The following GPC5 variants were observed in gnomAD, a reference collection of about 807,000 sequenced individuals.
GPC5 encodes the protein glypican-5.
A neutral mutation model predicts 53.9 loss-of-function variants in GPC5; 47 were observed. The observed-to-expected ratio is 0.87, with a 90% confidence interval of 0.69 to 1.11. GPC5 has a LOEUF of 1.11. Among genes scored for constraint, GPC5 ranks in the 50% most tolerant of loss-of-function variants. GPC5 has a pLI of 0.00. For missense variants in GPC5, 748 were observed against 713.1 expected, an observed-to-expected ratio of 1.05 and a Z score of -0.56; for synonymous variants, 286 against 263.3, an observed-to-expected ratio of 1.09 and a Z score of -0.84.
intron 6 of GPC5, among the ~76,000 whole-genome samples, chr13:92,100,439 T>C (rs1019708765): frequency 1.3e-5 from 2 of 152,062 alleles, no homozygotes; most frequent in African/African-American, 4.8e-5. Context: ...TGAAATAAGG[T>C]CAAAAGAATA....
intron 7 of GPC5, among the ~76,000 whole-genome samples, chr13:92,560,528 A>G (rs958153616): frequency 1.3e-5 from 2 of 152,048 alleles, no homozygotes; most frequent in Admixed American, 1.3e-4. Flanking sequence ...CAGTGGAAGT[A>G]GTGAGAGAAG....
At chr13:92,612,322 T>A (rs190080260) in intron 7 of GPC5, among the ~76,000 whole-genome samples, 5 of 152,104 alleles carry the variant, frequency 3.3e-5, no homozygotes, top group African/African-American at 1.2e-4. Flanking sequence ...AAATATTGAG[T>A]TTCAGTCATT....
At chr13:92,142,192 A>G (rs2041836933) in intron 6 of GPC5, among the ~76,000 whole-genome samples, 1 of 152,346 alleles carries the variant, frequency 6.6e-6, no homozygotes, top group South Asian at 2.1e-4. Context: ...AACTTAAAGT[A>G]TAATTTTTAA....
chr13:91,463,350 G>T (rs1231659191), intron 2 of GPC5, among the ~76,000 whole-genome samples: 1 of 152,006 alleles, frequency 6.6e-6, no homozygotes, highest in Non-Finnish European at 1.5e-5. Context: ...GAATCCATGG[G>T]TGCACAACCC....
chr13:91,409,312 A>C (rs1033100466), intron 1 of GPC5, among the ~76,000 whole-genome samples: 2 of 152,176 alleles, frequency 1.3e-5, no homozygotes, highest in African/African-American at 2.4e-5. Flanking sequence ...TAAAAGGTAA[A>C]GGGAATAAGA....
intron 2 of GPC5, among the ~76,000 whole-genome samples, chr13:91,692,424 T>C (rs1425829286): frequency 6.6e-6 from 1 of 152,192 alleles, no homozygotes; most frequent in Non-Finnish European, 1.5e-5. Flanking sequence ...GCAACCAGTG[T>C]GTAATCTACT....
intron 7 of GPC5, among the ~76,000 whole-genome samples, chr13:92,381,890 TATATATAATCATATATATG>T (rs1470538653): frequency 4.6e-5 from 2 of 43,730 alleles, no homozygotes; most frequent in Middle Eastern, 8.5e-3. Flanking sequence ...TTATATATAT[TATATATAATCATATATATG>T]ATATATATAA....
intron 7 of GPC5, among the ~76,000 whole-genome samples, chr13:92,399,906 TAGC>T (rs1415814622): frequency 6.6e-6 from 1 of 152,220 alleles, no homozygotes; most frequent in African/African-American, 2.4e-5. Context: ...GTATTTGACA[TAGC>T]AGCTCATTCC....
chr13:91,900,353 A>G (rs1206248469), intron 5 of GPC5, among the ~76,000 whole-genome samples: 4 of 152,138 alleles, frequency 2.6e-5, no homozygotes, highest in African/African-American at 9.7e-5. Flanking sequence ...TCAAACAGTG[A>G]AGTGAGACAG....
chr13:92,354,441 A>T (rs985050980), intron 7 of GPC5, among the ~76,000 whole-genome samples: 29 of 152,232 alleles, frequency 1.9e-4, no homozygotes, highest in African/African-American at 7.0e-4. Context: ...TGACTAATCA[A>T]CAGTAGTAAT....
chr13:91,756,042 C>T (rs1168782932), intron 4 of GPC5, among the ~76,000 whole-genome samples: 1 of 143,192 alleles, frequency 7.0e-6, no homozygotes, highest in African/African-American at 2.6e-5. Flanking sequence ...CCTTTTTATT[C>T]CAAGAATAAA....
At chr13:92,855,087 T>G (rs1051628925) in intron 7 of GPC5, among the ~76,000 whole-genome samples, 1 of 151,982 alleles carries the variant, frequency 6.6e-6, no homozygotes, top group African/African-American at 2.4e-5. Flanking sequence ...TGCTTCTATT[T>G]TGTTTCTAAC....
rs185409794 is a variant in GPC5, at chr13:92,287,926, G to A, written c.1561+142937G>A. Among the ~76,000 whole-genome samples, 67 of 151,930 alleles carry A rather than the reference G, an allele frequency of 4.4e-4. 1 individual carries two copies. The highest frequency in any genetic ancestry group is 2.7e-3 in the Admixed American group (41 of 15,250). ...TGCTTGATGGTGTCCCATACATCTC[G>A]TGGGCTCTGTTCATTTTCCTTCATT... On this transcript the variant is annotated intron_variant, in intron 7 of 7. Coordinates refer to ENST00000377067, the MANE Select transcript of GPC5 (RefSeq NM_004466.6).
intron 2 of GPC5, among the ~76,000 whole-genome samples, chr13:91,630,005 T>C (rs559705550): frequency 1.3e-5 from 2 of 152,222 alleles, no homozygotes; most frequent in African/African-American, 4.8e-5. Context: ...CAGAATTTTC[T>C]CTCACCTACT....
At chr13:91,767,550 A>G (rs959616907) in intron 5 of GPC5, among the ~76,000 whole-genome samples, 2 of 152,176 alleles carry the variant, frequency 1.3e-5, no homozygotes, top group Non-Finnish European at 2.9e-5. Flanking sequence ...TGACACGGCA[A>G]TTTCAACGCT....
At chr13:92,313,544 C>CT (rs920441881) in intron 7 of GPC5, among the ~76,000 whole-genome samples, 2 of 152,272 alleles carry the variant, frequency 1.3e-5, no homozygotes, top group East Asian at 1.9e-4. Flanking sequence ...AGTTGAGGTT[C>CT]TTTTTTGCTG....
intron 5 of GPC5, among the ~76,000 whole-genome samples, chr13:91,858,448 T>C (rs2038990746): frequency 6.6e-6 from 1 of 152,052 alleles, no homozygotes; most frequent in Non-Finnish European, 1.5e-5. Flanking sequence ...CTTCATTCTA[T>C]TGATATGATG....
At chr13:91,902,760 A>G (rs2039510645) in intron 5 of GPC5, among the ~76,000 whole-genome samples, 1 of 152,082 alleles carries the variant, frequency 6.6e-6, no homozygotes, top group African/African-American at 2.4e-5. Flanking sequence ...TCTAGAAACC[A>G]TGTTTTTTTG....
chr13:92,429,728 A>G (rs1443503956), intron 7 of GPC5, among the ~76,000 whole-genome samples: 1 of 152,138 alleles, frequency 6.6e-6, no homozygotes, highest in Non-Finnish European at 1.5e-5. Flanking sequence ...TGTGTATTAT[A>G]CATTCTAAAT....
Sources: allele counts gnomAD v4.1 joint callset (sites outside exome capture counted in the v4.1 genomes callset), GRCh38; gene constraint gnomAD v4.1.1; transcripts MANE v1.5; gene names NCBI Gene and HGNC (gene_info 2026-07-23, HGNC 2026-07-21).